COL28A1: variants seen among roughly 807,000 people sequenced by gnomAD.
COL28A1 encodes collagen type XXVIII alpha 1 chain, also known as collagen alpha-1(XXVIII) chain.
A neutral mutation model predicts 150.2 loss-of-function variants in COL28A1; 161 were observed. That is an observed-to-expected ratio of 1.07 (90% CI 0.94 to 1.22). The LOEUF (loss-of-function observed/expected upper bound fraction) is 1.22. COL28A1 is among the 50% of genes most tolerant of loss of function. The pLI, the probability that COL28A1 is intolerant of heterozygous loss-of-function variation, is 0.00. For missense variants in COL28A1, 1,617 were observed against 1,388.3 expected (o/e 1.16, Z -2.62); for synonymous variants, 552 against 469.7 (o/e 1.18, Z -2.26).
chr7:7,450,149 G>T (rs945106294), intron 18 of COL28A1, among the ~76,000 whole-genome samples: 1 of 152,056 alleles, frequency 6.6e-6, no homozygotes, highest in Admixed American at 6.5e-5. Flanking sequence ...TATGAAAGAG[G>T]TGGTACTGCA....
At chr7:7,490,160 C>G (rs945869002) in intron 12 of COL28A1, among the ~76,000 whole-genome samples, 8 of 152,208 alleles carry the variant, frequency 5.3e-5, no homozygotes, top group Non-Finnish European at 7.3e-5. Flanking sequence ...CTACAAATCT[C>G]TCTGCCAACA....
intron 11 of COL28A1, among the ~76,000 whole-genome samples, chr7:7,503,132 C>T (rs1780627574): frequency 6.6e-6 from 1 of 152,052 alleles, no homozygotes; most frequent in African/African-American, 2.4e-5. Flanking sequence ...TTATTTCAGG[C>T]CAAATATTCA....
intron 27 of COL28A1, among the ~76,000 whole-genome samples, chr7:7,397,320 C>T (rs1294183743): frequency 2.0e-5 from 3 of 152,090 alleles, no homozygotes; most frequent in Non-Finnish European, 2.9e-5. Context: ...CTTTTGCCTC[C>T]CTCTTATAAA....
rs571065869 is a variant in COL28A1, at chr7:7,471,210, G to A, written c.1302+3391C>T. 8.8e-5 allele frequency among the ~76,000 whole-genome samples: 13 copies of A among 147,060 alleles called. No homozygotes were observed. In the South Asian group the frequency reaches 2.2e-3, roughly 24 times the overall value. ...GATACTCTTAACAGACCAATAACAA[G>A]CAGTAAGACTGAAATGGTAATTTTA... On this transcript the variant is annotated intron_variant, in intron 15 of 34. Transcript: ENST00000399429.
At chr7:7,499,153 A>G (rs1484127476) in intron 11 of COL28A1, among the ~76,000 whole-genome samples, 2 of 152,162 alleles carry the variant, frequency 1.3e-5, no homozygotes, top group African/African-American at 4.8e-5. Flanking sequence ...TTGCTGGATT[A>G]CTAATGATTC....
Position 7,420,072 on chromosome 7 carries a change from C to A in COL28A1, c.1999-119G>T, listed in dbSNP as rs1024745852. The A allele has an allele frequency of 1.8e-5, 9 of 505,350 alleles. No individual in the cohort carries two copies. The African/African-American group carries it at 1.8e-4, about 10-fold the overall frequency. The allele number at this position is 505,350 out of a possible 1,614,324, so 31.3% of individuals were successfully genotyped here. A position where few individuals can be genotyped will look rare whatever the true frequency, so the allele number is the denominator to read the frequency against. ...GTGACTAAGGTATTAATTGAACCCT[C>A]TTCTCCTAGATCACTTTTCTATTAC... On this transcript the variant is annotated intron_variant, in intron 25 of 34. Coordinates refer to ENST00000399429, the MANE Select transcript of COL28A1 (RefSeq NM_001037763.3).
upstream of COL28A1, among the ~76,000 whole-genome samples, chr7:7,538,735 A>C (rs577797772): frequency 1.1e-4 from 16 of 152,286 alleles, no homozygotes; most frequent in African/African-American, 3.8e-4. Flanking sequence ...TCATAGAAAT[A>C]CACACAAAAA....
At chr7:7,538,302 T>A (rs535317621), upstream of COL28A1, among the ~76,000 whole-genome samples, 2 of 152,178 alleles carry the variant, frequency 1.3e-5, no homozygotes, top group Admixed American at 6.5e-5. Flanking sequence ...ATAACCATAA[T>A]GACTAGAAAA....
chr7:7,519,641 G>A (rs1019106778), intron 6 of COL28A1, among the ~76,000 whole-genome samples: 4 of 152,104 alleles, frequency 2.6e-5, no homozygotes, highest in Non-Finnish European at 5.9e-5. Context: ...TGCTCTGGGA[G>A]TGAGAAACAA....
At position 7,432,520 on chromosome 7, in the gene COL28A1, G is replaced by A; in HGVS notation, c.1951C>T (p.Pro651Ser). The change falls in exon 25 of 35, where the codon CCC becomes TCC. Residue 651 changes from proline to serine, a missense_variant. Pro to Ser is a moderately conservative substitution (Grantham distance 74, BLOSUM62 -1). Transcript: ENST00000399429. The stretch of plus-strand genomic sequence containing the variant: ...CCACGTAAACCCATCGGCCCAGGGG[G>A]TCCTGGTAATCCACGAGGTCCCTGA... ...GVPGPRGLPGPPGPMGLRGVG... is the reference protein window; with the variant it reads ...GVPGPRGLPGSPGPMGLRGVG... 6.2e-7 allele frequency: 1 copy of A among 1,614,074 alleles called. No homozygotes were observed. The highest frequency in any genetic ancestry group is 8.5e-7 in the Non-Finnish European group (1 of 1,180,000).
Position 7,367,864 on chromosome 7 carries a change from T to C in COL28A1, c.3066+2861A>G, listed in dbSNP as rs147118833. ...CTTTTATATTCTCCATCTCAGTATATAGTGTTTCAATCCATCTCATCTCCA... is the reference window on the plus strand; with the variant it reads ...CTTTTATATTCTCCATCTCAGTATACAGTGTTTCAATCCATCTCATCTCCA... On this transcript the variant is annotated intron_variant, in intron 33 of 34. Transcript: ENST00000399429. Among the ~76,000 whole-genome samples, 54 of 151,218 alleles carry C rather than the reference T, an allele frequency of 3.6e-4. 1 individual carries two copies. Among genetic ancestry groups the C allele is most frequent in the South Asian group, 8.4e-4 (4 of 4,776 alleles).
chr7:7,420,019 A>G (rs1364631589), intron 25 of COL28A1, 66 bp from the exon 26 acceptor site: 1 of 1,042,008 alleles, frequency 9.6e-7, no homozygotes, highest in Non-Finnish European at 1.3e-6. Flanking sequence ...TTCAATATAT[A>G]TATTTTAATA....
At chr7:7,454,479 T>A (rs1384162127) in intron 16 of COL28A1, among the ~76,000 whole-genome samples, 3 of 152,034 alleles carry the variant, frequency 2.0e-5, no homozygotes, top group Non-Finnish European at 4.4e-5. Flanking sequence ...TAAGGACACA[T>A]CTACCTCGAA....
rs769630980 is a variant in COL28A1, at chr7:7,521,896, T to C, written c.759+9A>G. The C allele has an allele frequency of 6.0e-6, 6 of 993,932 alleles. No individual in the cohort carries two copies. In the Admixed American group the frequency reaches 8.4e-5, roughly 14 times the overall value. 61.6% of individuals were successfully genotyped at this position (993,932 alleles called of 1,614,324 possible). A position where few individuals can be genotyped will look rare whatever the true frequency, so the allele number is the denominator to read the frequency against. Reference sequence around the variant, plus strand: ...TTCTGACTTAAGTTCAAAGTGGAAGTATACTCACAGGAGGCCCTGGATCAC... The same window carrying C: ...TTCTGACTTAAGTTCAAAGTGGAAGCATACTCACAGGAGGCCCTGGATCAC... On this transcript the variant is annotated intron_variant, in intron 5 of 34. Coordinates refer to ENST00000399429, the MANE Select transcript of COL28A1 (RefSeq NM_001037763.3).
At position 7,532,856 on chromosome 7, in the gene COL28A1, A is replaced by T; in HGVS notation, c.20T>A (p.Val7Asp). The T allele has an allele frequency of 6.2e-7, 1 of 1,610,878 alleles. No homozygotes were observed. The change falls in exon 2 of 35, where the codon GTC (valine) becomes GAC (aspartate). Residue 7 changes from valine to aspartate, a missense_variant. Transcript: ENST00000399429. ...CGCTGACAAAAGCAGGAGATAGAAG[A>T]CAAAATATCTGTTCCACATTATGGT... is the stretch of plus-strand genomic sequence containing the variant. MWNRYFVFYLLLLSAFT... is the reference protein window; with the variant it reads MWNRYFDFYLLLLSAFT...
At chr7:7,497,679 C>T (rs1254978783) in intron 11 of COL28A1, among the ~76,000 whole-genome samples, 1 of 152,158 alleles carries the variant, frequency 6.6e-6, no homozygotes, top group African/African-American at 2.4e-5. Context: ...CTACTCACAA[C>T]TGAAAATCCA....
At chr7:7,372,928 C>A in intron 32 of COL28A1, 70 bp downstream of exon 32, 1 of 1,370,352 alleles carries the variant, frequency 7.3e-7, no homozygotes, top group Non-Finnish European at 1.0e-6. Context: ...TTGGTCAGGA[C>A]AAACCAGTGA....
downstream of COL28A1, among the ~76,000 whole-genome samples, chr7:7,352,799 G>A (rs1367048471): frequency 6.6e-6 from 1 of 152,184 alleles, no homozygotes; most frequent in Non-Finnish European, 1.5e-5. Flanking sequence ...ATTTGTTATA[G>A]CAGCAAAAGG....
intron 33 of COL28A1, among the ~76,000 whole-genome samples, chr7:7,370,346 G>C (rs927997518): frequency 5.9e-5 from 9 of 152,230 alleles, no homozygotes; most frequent in African/African-American, 2.2e-4. Context: ...GGAAGCAGAT[G>C]CACAGACGAA....
Sources: allele counts gnomAD v4.1 joint callset (sites outside exome capture counted in the v4.1 genomes callset), GRCh38; gene constraint gnomAD v4.1.1; transcripts MANE v1.5; gene names NCBI Gene and HGNC (gene_info 2026-07-23, HGNC 2026-07-21).